REEP1: variants seen among roughly 807,000 people sequenced by gnomAD.
REEP1 encodes the protein receptor accessory protein 1.
In REEP1, 22 loss-of-function variants were observed where a neutral mutation model predicts 40.3. The ratio of observed to expected loss-of-function variants is 0.55; its 90% confidence interval spans 0.39 to 0.78. The LOEUF (loss-of-function observed/expected upper bound fraction) is 0.78. Among genes scored for constraint, REEP1 ranks in the 30% least tolerant of loss-of-function variants. The pLI is 0.00. For synonymous variants in REEP1, 116 were observed against 139.2 expected, an observed-to-expected ratio of 0.83 and a Z score of 1.17; for missense variants, 280 against 361.1, an observed-to-expected ratio of 0.78 and a Z score of 1.82.
At chr2:86,298,319 G>T (rs1679083890) in intron 1 of REEP1, among the ~76,000 whole-genome samples, 1 of 152,208 alleles carries the variant, frequency 6.6e-6, no homozygotes, top group Non-Finnish European at 1.5e-5. Context: ...CCCAACTGGG[G>T]GTCAGGAATC....
chr2:86,278,417 T>C (rs1677883888), intron 2 of REEP1, among the ~76,000 whole-genome samples: 1 of 152,198 alleles, frequency 6.6e-6, no homozygotes, highest in Admixed American at 6.5e-5. Context: ...TGCCCAGGGA[T>C]ACTGGGCCTG....
At chr2:86,276,917 GA>G (rs201029278) in intron 2 of REEP1, among the ~76,000 whole-genome samples, 1 of 152,138 alleles carries the variant, frequency 6.6e-6, no homozygotes, top group East Asian at 1.9e-4. Context: ...TAAAGTTTGA[GA>G]ATCACTGCTC....
At chr2:86,280,014 G>A (rs1245986351) in intron 2 of REEP1, 8 of 456,198 alleles carry the variant, frequency 1.8e-5, no homozygotes, top group Non-Finnish European at 3.1e-5. Context: ...AGAGAAGGAC[G>A]ACAGACCTGG....
At chr2:86,281,383 T>A (rs1367444198) in intron 2 of REEP1, among the ~76,000 whole-genome samples, 1 of 152,138 alleles carries the variant, frequency 6.6e-6, no homozygotes, top group African/African-American at 2.4e-5. Context: ...TAATCCCCGC[T>A]TTTTGGGAGG....
rs1414230329 is a variant in REEP1, at chr2:86,217,025, T to G, written c.*14A>C. The stretch of plus-strand genomic sequence containing the variant: ...GAAACATTCTGTGGATCCGGTGCTG[T>G]TGGCTCATCTCACTCACGTGGTTTC... On this transcript the variant is annotated 3_prime_UTR_variant, in exon 9 of 9. Coordinates refer to ENST00000538924, the MANE Select transcript of REEP1 (RefSeq NM_001371279.1). 1.9e-6 allele frequency: 3 copies of G among 1,610,078 alleles called. No individual in the cohort carries two copies. In the African/African-American group the frequency reaches 4.0e-5, roughly 22 times the overall value.
chr2:86,290,358 G>T (rs1678630199), intron 1 of REEP1, among the ~76,000 whole-genome samples: 1 of 152,132 alleles, frequency 6.6e-6, no homozygotes, highest in Non-Finnish European at 1.5e-5. Context: ...TGACTGTAGT[G>T]CTGTTTACAC....
rs143730116 is a variant in REEP1 at position 86,263,919 on chromosome 2, TA to T, written c.182+45del. 8.5e-3 allele frequency: 12,552 copies of T among 1,472,760 alleles called. 600 individuals carry two copies. The African/African-American group carries it at 0.12, about 14-fold the overall frequency. The allele number at this position is 1,472,760 out of a possible 1,614,324, so 91.2% of individuals were successfully genotyped here. ...TTTCCCACCTCCCCCTGAGTGACACTAAGCAAAATTGTCCTTAGAAACATCC... is the reference window on the plus strand; with the variant it reads ...TTTCCCACCTCCCCCTGAGTGACACTAGCAAAATTGTCCTTAGAAACATCC... On this transcript the variant is annotated intron_variant, in intron 3 of 8. Transcript: ENST00000538924.
chr2:86,260,841 A>G (rs1308092661), intron 3 of REEP1, among the ~76,000 whole-genome samples: 1 of 152,178 alleles, frequency 6.6e-6, no homozygotes, highest in Non-Finnish European at 1.5e-5. Context: ...GGATGATTCC[A>G]CCTGTACTTC....
chr2:86,268,309 C>T (rs919839122), intron 2 of REEP1, among the ~76,000 whole-genome samples: 3 of 152,138 alleles, frequency 2.0e-5, no homozygotes, highest in African/African-American at 7.2e-5. Flanking sequence ...TTGCAGGATA[C>T]AAGGTTAATG....
intron 1 of REEP1, among the ~76,000 whole-genome samples, chr2:86,328,561 C>T (rs1458939613): frequency 2.0e-5 from 3 of 152,196 alleles, no homozygotes; most frequent in Non-Finnish European, 2.9e-5. Flanking sequence ...CACCTGTAGT[C>T]CCGGCTACTC....
chr2:86,260,232 A>C (rs1230054580), intron 3 of REEP1, among the ~76,000 whole-genome samples: 2 of 152,192 alleles, frequency 1.3e-5, no homozygotes, highest in Non-Finnish European at 2.9e-5. Context: ...AAGCAGGCAG[A>C]AAGGTTCCTA....
chr2:86,232,859 G>T (rs914508817), intron 5 of REEP1, 57 bp from the exon 6 acceptor site: 2 of 1,540,314 alleles, frequency 1.3e-6, no homozygotes, highest in Non-Finnish European at 1.8e-6. Context: ...GGTCACACTC[G>T]ACAAAGGCCA....
chr2:86,306,544 T>A (rs1174790644), intron 1 of REEP1, among the ~76,000 whole-genome samples: 1 of 152,172 alleles, frequency 6.6e-6, no homozygotes. Context: ...TGTAAAACTA[T>A]CTACAGTACT....
intron 1 of REEP1, among the ~76,000 whole-genome samples, chr2:86,318,694 G>A (rs919368251): frequency 2.0e-5 from 3 of 152,022 alleles, no homozygotes; most frequent in African/African-American, 4.8e-5. Flanking sequence ...CACTGCACCC[G>A]GCCGAGACCA....
intron 1 of REEP1, among the ~76,000 whole-genome samples, chr2:86,291,043 T>C (rs1310663138): frequency 1.3e-5 from 2 of 152,214 alleles, no homozygotes; most frequent in Non-Finnish European, 2.9e-5. Context: ...GGTATTATCA[T>C]TTTCCTCATA....
chr2:86,226,138 C>CCATCAT (rs61395687), intron 7 of REEP1, among the ~76,000 whole-genome samples: 1 of 150,194 alleles, frequency 6.7e-6, no homozygotes, highest in African/African-American at 2.5e-5. Flanking sequence ...ACCACCACCA[C>CCATCAT]CATCATCATC....
At chr2:86,252,881 G>A (rs530941447) in intron 4 of REEP1, among the ~76,000 whole-genome samples, 1 of 152,222 alleles carries the variant, frequency 6.6e-6, no homozygotes, top group African/African-American at 2.4e-5. Context: ...TCTTCTTCAG[G>A]GACCAAAGCC....
chr2:86,266,664 T>A (rs61700819), intron 2 of REEP1, among the ~76,000 whole-genome samples: 8,614 of 146,572 alleles, frequency 0.059, 364 homozygotes, highest in African/African-American at 0.11. Flanking sequence ...AAAAATAAAA[T>A]AAATAAATAA....
intron 1 of REEP1, among the ~76,000 whole-genome samples, chr2:86,303,545 T>C (rs987661849): frequency 1.3e-5 from 2 of 151,442 alleles, no homozygotes; most frequent in Admixed American, 1.3e-4. Flanking sequence ...AAAAAAATTG[T>C]ATAGAGATGG....
Sources: gnomAD v4.1 joint callset for allele counts (sites outside exome capture counted in the v4.1 genomes callset) on GRCh38, gnomAD v4.1.1 for gene constraint, MANE v1.5 for transcripts, NCBI Gene and HGNC (gene_info 2026-07-23, HGNC 2026-07-21) for gene names.